The following RASSF3 variants were observed in gnomAD, a reference collection of about 807,000 sequenced individuals.
RASSF3 encodes the protein ras association domain-containing protein 3.
Under a neutral mutation model 19.9 loss-of-function variants are expected in RASSF3, and 19 were observed. That is an observed-to-expected ratio of 0.96 (90% CI 0.67 to 1.40). The LOEUF (loss-of-function observed/expected upper bound fraction) is 1.40. Ranked by LOEUF, RASSF3 falls within the 40% of genes most tolerant of loss-of-function variation. The probability of loss-of-function intolerance (pLI) is 0.00; values close to 1 mark genes in which losing one functional copy is unlikely to be tolerated. For missense variants in RASSF3, 306 were observed against 289.8 expected, an observed-to-expected ratio of 1.06 and a Z score of -0.41; for synonymous variants, 110 against 104.2, an observed-to-expected ratio of 1.06 and a Z score of -0.34.
chr12:64,562,352 T>C (rs1392077889), intron 2 of RASSF3, among the ~76,000 whole-genome samples: 1 of 152,058 alleles, frequency 6.6e-6, no homozygotes, highest in African/African-American at 2.4e-5. Flanking sequence ...CCCACCGCAT[T>C]TATCTTGCAT....
chr12:64,643,712 C>T lies in RASSF3; in HGVS notation c.111+32969C>T, dbSNP rs55655091. ...CTTCTGTGTTTTTTCTGTCCTACAACTCTTCTGTTTTATAACTGAAAAAAA... is the reference window on the plus strand; with the variant it reads ...CTTCTGTGTTTTTTCTGTCCTACAATTCTTCTGTTTTATAACTGAAAAAAA... On this transcript the variant is annotated intron_variant, in intron 1 of 4. Transcript: ENST00000542104. Among the ~76,000 whole-genome samples, 1,075 of 152,210 alleles carry T rather than the reference C, an allele frequency of 7.1e-3. 19 individuals carry two copies. The highest frequency in any genetic ancestry group is 0.025 in the African/African-American group (1,035 of 41,526).
chr12:64,681,500 T>C (rs1421680639), intron 1 of RASSF3, among the ~76,000 whole-genome samples: 1 of 152,212 alleles, frequency 6.6e-6, no homozygotes, highest in African/African-American at 2.4e-5. Context: ...TGGTGCACTT[T>C]CTGCAACACC....
chr12:64,597,089 G>A (rs192330964), intron 2 of RASSF3, among the ~76,000 whole-genome samples: 28 of 151,660 alleles, frequency 1.8e-4, no homozygotes, highest in Middle Eastern at 3.4e-3. Context: ...TTTTTAACAC[G>A]TTGGCCTTCA....
At chr12:64,625,661 A>G (rs951565966) in intron 1 of RASSF3, among the ~76,000 whole-genome samples, 1 of 152,122 alleles carries the variant, frequency 6.6e-6, no homozygotes, top group African/African-American at 2.4e-5. Flanking sequence ...ATAAGGTAAT[A>G]CGTGCAAACT....
At chr12:64,632,690 G>A (rs1871206775) in intron 1 of RASSF3, among the ~76,000 whole-genome samples, 1 of 152,066 alleles carries the variant, frequency 6.6e-6, no homozygotes, top group African/African-American at 2.4e-5. Flanking sequence ...GTTTAGTGAG[G>A]TAGGGGAACA....
At chr12:64,690,625 C>A (rs1690262) in intron 3 of RASSF3, among the ~76,000 whole-genome samples, 56,639 of 151,622 alleles carry the variant, frequency 0.37, 11,463 homozygotes, top group Middle Eastern at 0.5. Flanking sequence ...ATAGGCGGGC[C>A]CCATTATGCC....
intron 2 of RASSF3, among the ~76,000 whole-genome samples, chr12:64,577,736 CA>C (rs1249568255): frequency 6.6e-6 from 1 of 151,558 alleles, no homozygotes; most frequent in Non-Finnish European, 1.5e-5. Context: ...TGTCTCAAAA[CA>C]AAATCAAAAA....
chr12:64,660,730 G>A (rs1287158677), intron 1 of RASSF3, among the ~76,000 whole-genome samples: 1 of 152,108 alleles, frequency 6.6e-6, no homozygotes, highest in Admixed American at 6.6e-5. Context: ...AAATGGAGGA[G>A]CTTTTGAAAA....
chr12:64,683,876 T>TA (rs1873227094), intron 1 of RASSF3, among the ~76,000 whole-genome samples: 1 of 151,942 alleles, frequency 6.6e-6, no homozygotes, highest in Non-Finnish European at 1.5e-5. Flanking sequence ...TTAGTTTTCT[T>TA]AAAAAATATA....
At chr12:64,509,078 T>C (rs563873257) in intron 1 of RASSF3, among the ~76,000 whole-genome samples, 4 of 152,318 alleles carry the variant, frequency 2.6e-5, no homozygotes, top group African/African-American at 9.6e-5. Flanking sequence ...TCTTCAGATA[T>C]GGATTAACAT....
chr12:64,642,786 T>C (rs1414246574), intron 1 of RASSF3, among the ~76,000 whole-genome samples: 2 of 151,762 alleles, frequency 1.3e-5, no homozygotes, highest in Non-Finnish European at 2.9e-5. Context: ...AAAGTATAGC[T>C]TCTGGATTCA....
At chr12:64,639,469 C>CT (rs147347357) in intron 1 of RASSF3, among the ~76,000 whole-genome samples, 22,740 of 151,910 alleles carry the variant, frequency 0.15, 2,562 homozygotes, top group African/African-American at 0.32. Flanking sequence ...TTTGCGTGGC[C>CT]TTAAAATTTC....
At chr12:64,529,339 T>C (rs1320780584), upstream of RASSF3, among the ~76,000 whole-genome samples, 1 of 152,238 alleles carries the variant, frequency 6.6e-6, no homozygotes, top group Non-Finnish European at 1.5e-5. Flanking sequence ...AGATATCTGA[T>C]TTTCCTTGGA....
chr12:64,543,210 C>T (rs1275621698), downstream of RASSF3, among the ~76,000 whole-genome samples: 1 of 107,592 alleles, frequency 9.3e-6, no homozygotes, highest in African/African-American at 2.9e-5. Flanking sequence ...CTTGGAGTGG[C>T]GGGCCCCGCA....
At chr12:64,542,015 C>T (rs556494097), downstream of RASSF3, among the ~76,000 whole-genome samples, 1 of 152,226 alleles carries the variant, frequency 6.6e-6, no homozygotes, top group Admixed American at 6.5e-5. Context: ...AACAGACATA[C>T]TTCCTGCTGC....
chr12:64,577,056 A>C (rs990304639), intron 2 of RASSF3, among the ~76,000 whole-genome samples: 4 of 152,176 alleles, frequency 2.6e-5, no homozygotes, highest in Non-Finnish European at 5.9e-5. Flanking sequence ...TGATTCCCAA[A>C]ATTGTTGCAT....
At chr12:64,638,302 C>T (rs893937452) in intron 1 of RASSF3, among the ~76,000 whole-genome samples, 13 of 152,028 alleles carry the variant, frequency 8.6e-5, no homozygotes, top group Non-Finnish European at 1.8e-4. Flanking sequence ...TAGTATGGGC[C>T]GGGCGCCGTG....
intron 1 of RASSF3, among the ~76,000 whole-genome samples, chr12:64,666,113 T>C (rs964152718): frequency 2.5e-4 from 38 of 152,260 alleles, no homozygotes; most frequent in African/African-American, 8.9e-4. Context: ...TGCTTTTTTG[T>C]GCTTAATTTA....
At chr12:64,569,500 C>G (rs796411669) in intron 2 of RASSF3, among the ~76,000 whole-genome samples, 5 of 152,214 alleles carry the variant, frequency 3.3e-5, no homozygotes, top group Non-Finnish European at 7.3e-5. Flanking sequence ...TGAGTTACAA[C>G]CAGTTCCTCC....
Sources: gnomAD v4.1 joint callset for allele counts (sites outside exome capture counted in the v4.1 genomes callset) on GRCh38, gnomAD v4.1.1 for gene constraint, MANE v1.5 for transcripts, NCBI Gene and HGNC (gene_info 2026-07-23, HGNC 2026-07-21) for gene names.